Variants in MYLK observed in about 807,000 individuals in gnomAD.
MYLK encodes myosin light chain kinase.
A neutral mutation model predicts 203.4 loss-of-function variants in MYLK; 106 were observed. The ratio of observed to expected loss-of-function variants is 0.52; its 90% confidence interval spans 0.45 to 0.61. The LOEUF is 0.61. MYLK is among the 20% of genes least tolerant of loss of function. The pLI is 0.00. For missense variants in MYLK, 2,072 were observed against 2,442.3 expected, an observed-to-expected ratio of 0.85 and a Z score of 3.20; for synonymous variants, 867 against 959.5, an observed-to-expected ratio of 0.90 and a Z score of 1.78.
At chr3:123,742,458 G>A (rs2062882382) in intron 5 of MYLK, among the ~76,000 whole-genome samples, 1 of 151,946 alleles carries the variant, frequency 6.6e-6, no homozygotes, top group Non-Finnish European at 1.5e-5. Flanking sequence ...TTATTCAGCT[G>A]TATTTTCTAA....
intron 19 of MYLK, chr3:123,692,124 G>GC (rs1214454521): frequency 5.5e-6 from 1 of 182,674 alleles, no homozygotes; most frequent in African/African-American, 2.4e-5. Context: ...GCTTGGCACT[G>GC]CCTCTTCCTA....
rs1359230351 is a variant in MYLK at position 123,700,664 on chromosome 3, G to T, written c.2804C>A (p.Pro935Gln). ...FRANLQRQVK[P>Q]KTVSEEERKV... is the part of the protein sequence containing the mutation. ...CCTCTCTTCCTCAGACACAGTCTTT[G>T]GCTTCACTTGCCGCTGCAGGTTGGC... The change falls in exon 18 of 34, where the codon CCA (proline) becomes CAA (glutamine). Residue 935 changes from proline to glutamine, a missense_variant. Transcript: ENST00000360304. 6.2e-7 allele frequency: 1 copy of T among 1,614,130 alleles called. No homozygotes were observed. The highest frequency in any genetic ancestry group is 1.1e-5 in the South Asian group (1 of 91,084).
At chr3:123,667,219 G>A (rs373954953) in intron 20 of MYLK, 32 bp from the exon 21 acceptor site, 55 of 1,610,750 alleles carry the variant, frequency 3.4e-5, no homozygotes, top group Non-Finnish European at 4.6e-5. Context: ...GTTATTTCCT[G>A]TAGTTCTGTT....
chr3:123,667,235 C>T (rs2059767073), intron 20 of MYLK, 48 bp from the exon 21 acceptor site: 6 of 1,574,180 alleles, frequency 3.8e-6, no homozygotes, highest in Non-Finnish European at 5.2e-6. Flanking sequence ...CTGTTTTTTT[C>T]ACAAAGCTCC....
intron 23 of MYLK, among the ~76,000 whole-genome samples, chr3:123,658,563 C>T (rs185137275): frequency 2.1e-3 from 316 of 152,332 alleles, no homozygotes; most frequent in Non-Finnish European, 2.3e-3. Context: ...CACAAACTAG[C>T]AATTGAAACC....
chr3:123,786,303 C>CA (rs906697308), intron 4 of MYLK, among the ~76,000 whole-genome samples: 55 of 120,652 alleles, frequency 4.6e-4, no homozygotes, highest in Non-Finnish European at 5.5e-4. Context: ...GACTCCATCT[C>CA]AAAAAAAAAA....
At chr3:123,867,175 T>C (rs1320340140) in intron 2 of MYLK, among the ~76,000 whole-genome samples, 2 of 152,054 alleles carry the variant, frequency 1.3e-5, no homozygotes, top group Non-Finnish European at 2.9e-5. Context: ...CCACTGTCCA[T>C]AATTTTCTCC....
At chr3:123,680,352 T>C (rs1292656846) in intron 20 of MYLK, among the ~76,000 whole-genome samples, 1 of 152,176 alleles carries the variant, frequency 6.6e-6, no homozygotes, top group Non-Finnish European at 1.5e-5. Flanking sequence ...CCCTGTAGCT[T>C]CTGCACCCAG....
Position 123,700,541 on chromosome 3 carries a change from G to A in MYLK, c.2927C>T (p.Pro976Leu). The change falls in exon 18 of 34, where the codon CCT (proline) becomes CTT (leucine). Residue 976 changes from proline to leucine, a missense_variant. Pro to Leu is a moderately conservative substitution (Grantham distance 98). Coordinates refer to ENST00000360304, the MANE Select transcript of MYLK (RefSeq NM_053025.4). ...CACTGAGCGAAAATCCGGGGTGGCA[G>A]GTTTTGGCGGTGGCACCTTCTCAGG... ...PVPEKVPPPKPATPDFRSVLG... is the reference protein window; with the variant it reads ...PVPEKVPPPKLATPDFRSVLG... 1.2e-6 allele frequency: 2 copies of A among 1,613,726 alleles called. No homozygotes were observed. Among genetic ancestry groups the A allele is most frequent in the Non-Finnish European group, 1.7e-6 (2 of 1,179,790 alleles).
intron 27 of MYLK, among the ~76,000 whole-genome samples, chr3:123,646,161 CA>C (rs2059014228): frequency 6.6e-6 from 1 of 151,962 alleles, no homozygotes; most frequent in Non-Finnish European, 1.5e-5. Flanking sequence ...ACTAAAAAAG[CA>C]AAGTATATGA....
Position 123,657,168 on chromosome 3 carries a change from T to C in MYLK, c.4246A>G (p.Ser1416Gly), listed in dbSNP as rs758305428. Residue 1416 changes from serine (S) to glycine (G), a missense_variant, in exon 24 of 34, where the codon AGC becomes GGC. Ser to Gly is a moderately conservative substitution (Grantham distance 56). Coordinates refer to ENST00000360304, the MANE Select transcript of MYLK (RefSeq NM_053025.4). ...AINVYGTSEP[S>G]QESELTTVGE... ...ACCGTTGTGAGTTCAGACTCCTGGCTTGGCTCACTGGTTCCATACACGTTG... is the reference window on the plus strand; with the variant it reads ...ACCGTTGTGAGTTCAGACTCCTGGCCTGGCTCACTGGTTCCATACACGTTG... 1 of 1,614,240 alleles carries C rather than the reference T, an allele frequency of 6.2e-7. No homozygotes were observed. Among genetic ancestry groups the C allele is most frequent in the Non-Finnish European group, 8.5e-7 (1 of 1,180,046 alleles).
At chr3:123,842,234 A>T (rs570068776) in intron 2 of MYLK, among the ~76,000 whole-genome samples, 1 of 152,296 alleles carries the variant, frequency 6.6e-6, no homozygotes, top group African/African-American at 2.4e-5. Flanking sequence ...GAGTTGGAAT[A>T]AGTAAATTAA....
At chr3:123,697,142 C>T (rs1310785687) in intron 18 of MYLK, among the ~76,000 whole-genome samples, 4 of 152,198 alleles carry the variant, frequency 2.6e-5, no homozygotes. Context: ...GAAAAGACTC[C>T]CTCCACCTCT....
At chr3:123,737,264 G>C (rs80053890) in intron 8 of MYLK, 114 bp downstream of exon 8, 3 of 1,293,884 alleles carry the variant, frequency 2.3e-6, no homozygotes, top group Non-Finnish European at 2.2e-6. Flanking sequence ...GTGCCTGGGT[G>C]TGTGAGTGGG....
chr3:123,779,574 G>A (rs538993044), intron 4 of MYLK, among the ~76,000 whole-genome samples: 8 of 152,246 alleles, frequency 5.3e-5, no homozygotes, highest in Admixed American at 1.3e-4. Context: ...CCCCCACCTC[G>A]TCCTGCCGTA....
intron 3 of MYLK, among the ~76,000 whole-genome samples, chr3:123,794,738 G>A (rs1402379652): frequency 6.6e-6 from 1 of 152,180 alleles, no homozygotes; most frequent in Non-Finnish European, 1.5e-5. Context: ...CAACTCTTTT[G>A]TGATATTTTA....
intron 11 of MYLK, 145 bp downstream of exon 11, chr3:123,732,751 T>C: frequency 1.3e-6 from 1 of 771,802 alleles, no homozygotes; most frequent in Admixed American, 2.1e-5. Flanking sequence ...ACACTTGGCC[T>C]TGGCATGTGA....
intron 2 of MYLK, among the ~76,000 whole-genome samples, chr3:123,837,076 G>T (rs1253819335): frequency 6.6e-6 from 1 of 152,124 alleles, no homozygotes; most frequent in South Asian, 2.1e-4. Context: ...TTTCGCTCTT[G>T]TTGCCCAGGC....
chr3:123,869,187 GTCTTGA>G (rs1247124454), intron 2 of MYLK, among the ~76,000 whole-genome samples: 1 of 152,072 alleles, frequency 6.6e-6, no homozygotes, highest in Non-Finnish European at 1.5e-5. Flanking sequence ...GTGCAAAAGG[GTCTTGA>G]ACCTTGTCAA....
Sources: allele counts gnomAD v4.1 joint callset (sites outside exome capture counted in the v4.1 genomes callset), GRCh38; gene constraint gnomAD v4.1.1; transcripts MANE v1.5; gene names NCBI Gene and HGNC (gene_info 2026-07-23, HGNC 2026-07-21).